NTNG1: variants seen among roughly 807,000 people sequenced by gnomAD.
NTNG1 encodes the protein netrin G1, also known as netrin-G1.
Under a neutral mutation model 54.0 loss-of-function variants are expected in NTNG1, and 16 were observed. The ratio of observed to expected loss-of-function variants is 0.30; its 90% CI spans 0.20 to 0.45. NTNG1 has a LOEUF of 0.45. NTNG1 is among the 20% of genes least tolerant of loss of function. The pLI is 1.00. For synonymous variants in NTNG1, 255 were observed against 263.1 expected, an observed-to-expected ratio of 0.97 and a Z score of 0.30; for missense variants, 530 against 678.7, an observed-to-expected ratio of 0.78 and a Z score of 2.43.
chr1:107,175,264 A>G (rs72979593), intron 2 of NTNG1, among the ~76,000 whole-genome samples: 2,976 of 152,240 alleles, frequency 0.02, 98 homozygotes, highest in African/African-American at 0.068. Context: ...ATCTTTATCT[A>G]CTGGTATGTT....
At chr1:107,305,554 T>C (rs889995160) in intron 2 of NTNG1, among the ~76,000 whole-genome samples, 2 of 152,196 alleles carry the variant, frequency 1.3e-5, no homozygotes, top group Admixed American at 6.5e-5. Flanking sequence ...AAGTGTCTGT[T>C]TATATACTTC....
intron 2 of NTNG1, among the ~76,000 whole-genome samples, chr1:107,176,054 A>T (rs548459744): frequency 2.6e-5 from 4 of 152,166 alleles, no homozygotes; most frequent in South Asian, 2.1e-4. Flanking sequence ...ATTGGGTAAG[A>T]CAAGGTTCCT....
chr1:107,440,586 T>C (rs1160030014), intron 7 of NTNG1, among the ~76,000 whole-genome samples: 1 of 152,210 alleles, frequency 6.6e-6, no homozygotes, highest in African/African-American at 2.4e-5. Flanking sequence ...AAGCACATGT[T>C]GATATGCCAT....
At chr1:107,271,822 AT>A (rs1664162671) in intron 2 of NTNG1, among the ~76,000 whole-genome samples, 2 of 152,184 alleles carry the variant, frequency 1.3e-5, no homozygotes, top group South Asian at 2.1e-4. Context: ...TGTTTGCTTC[AT>A]GAATATATAT....
chr1:107,375,541 C>T (rs890204331), intron 3 of NTNG1, among the ~76,000 whole-genome samples: 1 of 152,160 alleles, frequency 6.6e-6, no homozygotes, highest in Non-Finnish European at 1.5e-5. Flanking sequence ...CTACAGGGTA[C>T]TATTGATCAG....
chr1:107,239,479 AT>A (rs1235662056), intron 2 of NTNG1, among the ~76,000 whole-genome samples: 1 of 152,228 alleles, frequency 6.6e-6, no homozygotes, highest in Non-Finnish European at 1.5e-5. Context: ...CCTACTGGAC[AT>A]TCTTTATCCA....
chr1:107,179,214 GTCCAGCTGGT>G (rs1656884548), intron 2 of NTNG1, among the ~76,000 whole-genome samples: 1 of 152,068 alleles, frequency 6.6e-6, no homozygotes, highest in South Asian at 2.1e-4. Flanking sequence ...AATAATGAGT[GTCCAGCTGGT>G]TCTTTTATTC....
At position 107,469,676 on chromosome 1, in the gene NTNG1, A is replaced by ACTC. The variant is rs60111977; in HGVS notation, c.1391-10932_1391-10930dup. 5.5e-3 allele frequency among the ~76,000 whole-genome samples: 830 copies of ACTC among 151,694 alleles called. 8 individuals are homozygous for ACTC. Among genetic ancestry groups the ACTC allele is most frequent in the African/African-American group, 0.019 (804 of 41,302 alleles). On this transcript the variant is annotated intron_variant, in intron 7 of 7. Transcript: ENST00000370068. ...GTTCGACCATGTTGGCTGGTCTTGA[A>ACTC]CTCCTGAGCTCAAGTGACCCTCCTG...
chr1:107,223,541 T>C (rs1660487933), intron 2 of NTNG1, among the ~76,000 whole-genome samples: 1 of 152,172 alleles, frequency 6.6e-6, no homozygotes, highest in African/African-American at 2.4e-5. Context: ...TGTTTTTAAG[T>C]AAAATATAGT....
At chr1:107,385,688 A>T (rs1364640920) in intron 3 of NTNG1, among the ~76,000 whole-genome samples, 3 of 151,828 alleles carry the variant, frequency 2.0e-5, no homozygotes, top group African/African-American at 7.3e-5. Context: ...TAGGTATCTT[A>T]TTATCCTCAT....
At chr1:107,153,749 G>A (rs1009745898) in intron 2 of NTNG1, among the ~76,000 whole-genome samples, 2 of 151,980 alleles carry the variant, frequency 1.3e-5, no homozygotes, top group Non-Finnish European at 2.9e-5. Flanking sequence ...ACAGCCTATC[G>A]TCCACTACTT....
chr1:107,145,526 G>C (rs963968688), intron 1 of NTNG1, among the ~76,000 whole-genome samples: 1 of 151,870 alleles, frequency 6.6e-6, no homozygotes, highest in African/African-American at 2.4e-5. Context: ...AATACGCCGT[G>C]GTCAATATCT....
chr1:107,327,243 A>G (rs1167147519), intron 3 of NTNG1, among the ~76,000 whole-genome samples: 1 of 152,100 alleles, frequency 6.6e-6, no homozygotes, highest in African/African-American at 2.4e-5. Context: ...TAGGCACCAG[A>G]TGGCTGGAGT....
intron 7 of NTNG1, among the ~76,000 whole-genome samples, chr1:107,450,319 C>G (rs990805426): frequency 4.6e-5 from 7 of 152,044 alleles, no homozygotes; most frequent in Non-Finnish European, 4.4e-5. Context: ...CAGCCTCAGC[C>G]TCAGTTTGTG....
chr1:107,241,053 AT>A (rs1031935247), intron 2 of NTNG1, among the ~76,000 whole-genome samples: 1 of 152,118 alleles, frequency 6.6e-6, no homozygotes, highest in Non-Finnish European at 1.5e-5. Flanking sequence ...ATTTAAAAAT[AT>A]TTTTAATAGT....
At chr1:107,417,300 G>A (rs548569021) in intron 5 of NTNG1, among the ~76,000 whole-genome samples, 1 of 152,032 alleles carries the variant, frequency 6.6e-6, no homozygotes, top group African/African-American at 2.4e-5. Flanking sequence ...CAGCGAAAGA[G>A]AGCAACATTT....
At chr1:107,294,376 C>T (rs968309011) in intron 2 of NTNG1, among the ~76,000 whole-genome samples, 2 of 152,134 alleles carry the variant, frequency 1.3e-5, no homozygotes, top group African/African-American at 2.4e-5. Context: ...GAGGGAGTCC[C>T]ATAGTTAGCC....
intron 3 of NTNG1, among the ~76,000 whole-genome samples, chr1:107,357,971 ATG>A (rs1280788447): frequency 1.3e-5 from 2 of 152,218 alleles, no homozygotes; most frequent in Non-Finnish European, 2.9e-5. Context: ...CTACTCTTCT[ATG>A]TAAGTCAAAT....
chr1:107,358,790 G>A (rs939770380), intron 3 of NTNG1, among the ~76,000 whole-genome samples: 1 of 152,104 alleles, frequency 6.6e-6, no homozygotes, highest in Admixed American at 6.6e-5. Flanking sequence ...ATAACACCCT[G>A]CTGTGAGGAC....
Sources: gnomAD v4.1 joint callset for allele counts (sites outside exome capture counted in the v4.1 genomes callset) on GRCh38, gnomAD v4.1.1 for gene constraint, MANE v1.5 for transcripts, NCBI Gene and HGNC (gene_info 2026-07-23, HGNC 2026-07-21) for gene names.